Variants in UBE3B observed in about 807,000 individuals in gnomAD.
UBE3B encodes the protein ubiquitin-protein ligase E3B.
Under a neutral mutation model 132.3 loss-of-function variants are expected in UBE3B, and 80 were observed. The ratio of observed to expected loss-of-function variants is 0.60; its 90% CI spans 0.50 to 0.73. UBE3B has a LOEUF of 0.73. UBE3B is among the 30% of genes least tolerant of loss of function. The pLI is 0.00. For synonymous variants in UBE3B, 487 were observed against 520.4 expected, an observed-to-expected ratio of 0.94 and a Z score of 0.87; for missense variants, 1,196 against 1,362.5, an observed-to-expected ratio of 0.88 and a Z score of 1.92.
chr12:109,495,778 C>T (rs112689626), intron 9 of UBE3B, among the ~76,000 whole-genome samples: 65 of 152,360 alleles, frequency 4.3e-4, no homozygotes, highest in Non-Finnish European at 6.8e-4. Flanking sequence ...CCTTAAGGCA[C>T]AGATTGCTCA....
chr12:109,511,182 A>T (rs1242310762), intron 17 of UBE3B, 22 bp from the exon 18 acceptor site: 15 of 1,611,822 alleles, frequency 9.3e-6, no homozygotes, highest in Non-Finnish European at 1.2e-5. Context: ...AATTCTCCCA[A>T]ACCCATGTCT....
At chr12:109,543,217 A>G in the UBE3B span, among the ~76,000 whole-genome samples, 3 of 152,248 alleles carry the variant, frequency 2.0e-5, no homozygotes, top group Non-Finnish European at 4.4e-5. Context: ...TGAACACTGC[A>G]GATGTGTCAG....
At chr12:109,525,174 C>T (rs897731975) in intron 23 of UBE3B, among the ~76,000 whole-genome samples, 2 of 152,278 alleles carry the variant, frequency 1.3e-5, no homozygotes, top group African/African-American at 4.8e-5. Context: ...TTGCCAGATG[C>T]GAGTCCTGGA....
chr12:109,537,829 C>T (rs890489871), downstream of UBE3B, among the ~76,000 whole-genome samples: 3 of 152,170 alleles, frequency 2.0e-5, no homozygotes, highest in African/African-American at 4.8e-5. Context: ...CGCAGCCTCC[C>T]ACATAGCTGG....
At chr12:109,510,627 C>G (rs372292606) in intron 17 of UBE3B, among the ~76,000 whole-genome samples, 169 bp downstream of exon 17, 4 of 152,146 alleles carry the variant, frequency 2.6e-5, no homozygotes, top group Non-Finnish European at 5.9e-5. Flanking sequence ...CCTGTCAGGA[C>G]GCTTCTGTTA....
chr12:109,533,724 C>T, intron 27 of UBE3B, 166 bp downstream of exon 27: 1 of 840,762 alleles, frequency 1.2e-6, no homozygotes, highest in Non-Finnish European at 2.0e-6. Context: ...GCAGGAGAAC[C>T]AGCCAGCCCC....
chr12:109,478,612 C>T (rs1368218400), intron 1 of UBE3B, among the ~76,000 whole-genome samples: 1 of 152,182 alleles, frequency 6.6e-6, no homozygotes, highest in Non-Finnish European at 1.5e-5. Flanking sequence ...GAAACCGCAT[C>T]TCTACTAAAA....
In UBE3B at chr12:109,488,615, C is replaced by T. The variant is rs530591049; in HGVS notation, c.491C>T (p.Thr164Met). Residue 164 changes from threonine (T) to methionine (M), a missense_variant, in exon 7 of 28, where the codon ACG (threonine) becomes ATG (methionine). Transcript: ENST00000342494. ...TCCCGACTCATCACCCTGTACCTCA[C>T]GATGCTTGTCACCTTCACAGACACT... ...QDSRLITLYL[T>M]MLVTFTDTST... 4 of 1,614,194 alleles carry T rather than the reference C, an allele frequency of 2.5e-6. No homozygotes were observed. In the South Asian group the frequency reaches 4.4e-5, roughly 18 times the overall value.
At chr12:109,498,000 G>A in intron 10 of UBE3B, 77 bp downstream of exon 10, 2 of 1,506,206 alleles carry the variant, frequency 1.3e-6, no homozygotes, top group Non-Finnish European at 1.8e-6. Context: ...AAAGTAAAAT[G>A]GCTTCTCTGC....
intron 26 of UBE3B, among the ~76,000 whole-genome samples, chr12:109,531,079 A>G (rs1373864426): frequency 6.6e-6 from 1 of 152,006 alleles, no homozygotes; most frequent in Non-Finnish European, 1.5e-5. Context: ...GGAATTGTCA[A>G]CTCTCTACAC....
chr12:109,516,978 C>A, intron 19 of UBE3B, 94 bp downstream of exon 19: 3 of 1,498,750 alleles, frequency 2.0e-6, no homozygotes, highest in Non-Finnish European at 2.7e-6. Flanking sequence ...TGAACTGTTC[C>A]TGTTACTCCT....
In UBE3B at chr12:109,486,580, C is replaced by CAAAAAAAAA. The variant is rs201336062; in HGVS notation, c.447+20_447+28dup. 178 of 562,666 alleles carry CAAAAAAAAA rather than the reference C, an allele frequency of 3.2e-4. No homozygotes were observed. The highest frequency in any genetic ancestry group is 2.0e-3 in the Middle Eastern group (3 of 1,534). 34.9% of individuals were successfully genotyped at this position (562,666 alleles called of 1,614,324 possible). A position where few individuals can be genotyped will look rare whatever the true frequency, so the allele number is the denominator to read the frequency against. On this transcript the variant is annotated splice_donor_region_variant and intron_variant, in intron 6 of 27. Transcript: ENST00000342494. ...GATTTTCTCAAGCAGCTCAAGGTAA[C>CAAAAAAAAA]AAAAAAAAAAAAAAAAAAAAAAAGC...
At chr12:109,482,079 A>G (rs1487103385) in intron 2 of UBE3B, among the ~76,000 whole-genome samples, 1 of 152,172 alleles carries the variant, frequency 6.6e-6, no homozygotes, top group Non-Finnish European at 1.5e-5. Flanking sequence ...TGTCCTTATT[A>G]ATACTAATAA....
intron 1 of UBE3B, among the ~76,000 whole-genome samples, chr12:109,480,141 T>C (rs1875113834): frequency 6.6e-6 from 1 of 151,586 alleles, no homozygotes; most frequent in African/African-American, 2.4e-5. Flanking sequence ...CATTATTTCC[T>C]ACCCAGAGAA....
At chr12:109,538,183 CT>C (rs1243805551), downstream of UBE3B, among the ~76,000 whole-genome samples, 1 of 152,256 alleles carries the variant, frequency 6.6e-6, no homozygotes, top group Admixed American at 6.5e-5. The surrounding 1 kb of genome is among the most constrained non-coding windows in gnomAD (Gnocchi z 4.1). Context: ...GGCCTCCACT[CT>C]TCTGACAGCA....
Position 109,488,589 on chromosome 12 carries a change from C to G in UBE3B, c.465C>G (p.Asp155Glu). 1 of 1,614,128 alleles carries G rather than the reference C, an allele frequency of 6.2e-7. No homozygotes were observed. The highest frequency in any genetic ancestry group is 2.2e-5 in the East Asian group (1 of 44,884). The change falls in exon 7 of 28, where the codon GAC becomes GAG. Residue 155 changes from aspartate (D) to glutamate (E), a missense_variant. Physicochemically the swap from Asp to Glu is conservative, Grantham distance 45. Transcript: ENST00000342494. ...GTTTCCAGCCTGAAATCCTGCAGGA[C>G]TCCCGACTCATCACCCTGTACCTCA... ...LKQLKPEILQ[D>E]SRLITLYLTM...
At chr12:109,542,827 TGA>T in the UBE3B span, among the ~76,000 whole-genome samples, 1 of 152,174 alleles carries the variant, frequency 6.6e-6, no homozygotes, top group South Asian at 2.1e-4. Context: ...TCTAGAATTG[TGA>T]GAGGATGAAT....
intron 4 of UBE3B, among the ~76,000 whole-genome samples, chr12:109,484,217 A>T (rs2135767957): frequency 6.6e-6 from 1 of 152,072 alleles, no homozygotes; most frequent in South Asian, 2.1e-4. Flanking sequence ...AAGAGTCAGG[A>T]AGTTTAGGTA....
intron 14 of UBE3B, among the ~76,000 whole-genome samples, chr12:109,505,793 C>T (rs1879585442): frequency 6.6e-6 from 1 of 152,224 alleles, no homozygotes; most frequent in Admixed American, 6.5e-5. Context: ...TTCAGTAGCT[C>T]TGATGGAGTT....
Sources: gnomAD v4.1 joint callset for allele counts (sites outside exome capture counted in the v4.1 genomes callset) on GRCh38, gnomAD v4.1.1 for gene constraint, Gnocchi (gnomAD v3.1) non-coding constraint, MANE v1.5 for transcripts, NCBI Gene and HGNC (gene_info 2026-07-23, HGNC 2026-07-21) for gene names.